The following CA5B variants were observed in gnomAD, a reference collection of about 807,000 sequenced individuals.
The protein encoded by CA5B is carbonic anhydrase 5B, mitochondrial.
A neutral mutation model predicts 23.1 loss-of-function variants in CA5B; 15 were observed. The ratio of observed to expected loss-of-function variants is 0.65; its 90% confidence interval spans 0.43 to 1.00. CA5B has a LOEUF of 1.00. Among genes scored for constraint, CA5B ranks in the 50% least tolerant of loss-of-function variants. The probability of loss-of-function intolerance (pLI) is 0.00; values close to 1 mark genes in which losing one functional copy is unlikely to be tolerated. For missense variants in CA5B, 236 were observed against 252.2 expected, an observed-to-expected ratio of 0.94 and a Z score of 0.43; for synonymous variants, 84 against 98.5, an observed-to-expected ratio of 0.85 and a Z score of 0.87.
rs1161331203 is a variant in CA5B, at chrX:15,786,595, A to T, written c.*3931A>T. 9.0e-6 allele frequency: 1 copy of T among 111,611 alleles called. No individual in the cohort carries two copies. The highest frequency in any genetic ancestry group is 1.9e-5 in the Non-Finnish European group (1 of 53,178). The allele number at this position is 111,611 out of a possible 1,213,427, so 9.2% of individuals were successfully genotyped here. On this transcript the variant is annotated 3_prime_UTR_variant, in exon 8 of 8. Coordinates refer to ENST00000318636, the MANE Select transcript of CA5B (RefSeq NM_007220.4). ...TAAAATTGCTGTCCGTCTTCATTAA[A>T]TAATACTAGATCGATACAATGCTTT...
chrX:15,754,208 C>T (rs988857826), intron 2 of CA5B, among the ~76,000 whole-genome samples: 1 of 111,909 alleles, frequency 8.9e-6, no homozygotes, highest in African/African-American at 3.3e-5. Context: ...CCATTCAGTC[C>T]GTTGGGTAGC....
At chrX:15,767,138 TA>T (rs1316622024) in intron 3 of CA5B, 1 of 774,140 alleles carries the variant, frequency 1.3e-6, no homozygotes, top group Non-Finnish European at 1.6e-6. Flanking sequence ...TCTGCATGCA[TA>T]GTAATCCTTT....
intron 1 of CA5B, among the ~76,000 whole-genome samples, chrX:15,744,523 C>T (rs1389641532): frequency 8.9e-6 from 1 of 112,399 alleles, no homozygotes; most frequent in Non-Finnish European, 1.9e-5. Flanking sequence ...ATCATCTTCC[C>T]AAAAATTACT....
At chrX:15,753,720 C>T (rs1200729535) in intron 2 of CA5B, among the ~76,000 whole-genome samples, 2 of 111,965 alleles carry the variant, frequency 1.8e-5, no homozygotes, top group Non-Finnish European at 3.8e-5. Context: ...ATCAGCCTGG[C>T]CAACATGGTG....
At chrX:15,745,168 CA>C (rs371053756) in intron 1 of CA5B, among the ~76,000 whole-genome samples, 70 of 34,322 alleles carry the variant, frequency 2.0e-3, no homozygotes, top group Middle Eastern at 0.029. Flanking sequence ...GACTCTGTCT[CA>C]AAAAAAAAAA....
intron 2 of CA5B, among the ~76,000 whole-genome samples, chrX:15,760,228 G>A (rs991233444): frequency 1.8e-5 from 2 of 111,288 alleles, no homozygotes; most frequent in Admixed American, 1.9e-4. Flanking sequence ...AAATTGTTTC[G>A]ATCTGATTTT....
rs1932120536 is a variant in CA5B at position 15,786,488 on chromosome X, G to A, written c.*3824G>A. On this transcript the variant is annotated 3_prime_UTR_variant, in exon 8 of 8. Coordinates refer to ENST00000318636, the MANE Select transcript of CA5B (RefSeq NM_007220.4). ...GCTTGTGTTTTTTATGCCCTCAAAAGTGTTTTACTTATACTTTCCTAGACA... is the reference window on the plus strand; with the variant it reads ...GCTTGTGTTTTTTATGCCCTCAAAAATGTTTTACTTATACTTTCCTAGACA... The A allele has an allele frequency of 9.0e-6, 1 of 110,879 alleles. No homozygotes were observed. Among genetic ancestry groups the A allele is most frequent in the African/African-American group, 3.3e-5 (1 of 30,448 alleles). 9.1% of individuals were successfully genotyped at this position (110,879 alleles called of 1,213,427 possible).
At chrX:15,782,412 T>C in intron 7 of CA5B, 73 bp from the exon 8 acceptor site, 1 of 966,501 alleles carries the variant, frequency 1.0e-6, no homozygotes, top group Admixed American at 2.7e-5. Context: ...ATTGTAAAAA[T>C]GAAAGTAATT....
intron 6 of CA5B, chrX:15,776,108 G>A (rs1243640124): frequency 1.2e-5 from 6 of 519,074 alleles, no homozygotes; most frequent in Non-Finnish European, 1.4e-5. Context: ...GGAGGCCGAG[G>A]CTGGCGGATC....
chrX:15,753,805 A>G (rs1931432672), intron 2 of CA5B, among the ~76,000 whole-genome samples: 2 of 112,264 alleles, frequency 1.8e-5, no homozygotes, highest in Non-Finnish European at 3.8e-5. Context: ...GCTACTCAGG[A>G]GGCTGAGGCA....
At chrX:15,765,735 C>A (rs1459986442) in intron 3 of CA5B, among the ~76,000 whole-genome samples, 4 of 109,883 alleles carry the variant, frequency 3.6e-5, no homozygotes, top group Non-Finnish European at 7.6e-5. Context: ...CACTAAAGAT[C>A]CTGCAGTGCG....
In CA5B at chrX:15,784,313, C is replaced by T. The variant is rs1233636758; in HGVS notation, c.*1649C>T. 2.7e-5 allele frequency: 3 copies of T among 112,630 alleles called. No homozygotes were observed. In the Admixed American group the frequency reaches 2.8e-4, roughly 11 times the overall value. The allele number at this position is 112,630 out of a possible 1,213,427, so 9.3% of individuals were successfully genotyped here. A position where few individuals can be genotyped will look rare whatever the true frequency, so the allele number is the denominator to read the frequency against. On this transcript the variant is annotated 3_prime_UTR_variant, in exon 8 of 8. Coordinates refer to ENST00000318636, the MANE Select transcript of CA5B (RefSeq NM_007220.4). The stretch of plus-strand genomic sequence containing the variant: ...GTTTTCTACAGTGAAAGAGCTATCC[C>T]GTCTTCCCTTTACAACTGTCTGAAC...
At position 15,783,924 on chromosome X, in the gene CA5B, G is replaced by C. The variant is rs1255339820; in HGVS notation, c.*1260G>C. 1 of 68,678 alleles carries C rather than the reference G, an allele frequency of 1.5e-5. No individual in the cohort carries two copies. Among genetic ancestry groups the C allele is most frequent in the Non-Finnish European group, 2.5e-5 (1 of 39,233 alleles). The allele number at this position is 68,678 out of a possible 1,213,427, so 5.7% of individuals were successfully genotyped here. On this transcript the variant is annotated 3_prime_UTR_variant, in exon 8 of 8. Coordinates refer to ENST00000318636, the MANE Select transcript of CA5B (RefSeq NM_007220.4). The stretch of plus-strand genomic sequence containing the variant: ...TTTTTTTGAGATGGAGTCTCGCTCT[G>C]TCCCCCAGGCTGGAGTGCAGTGGCA...
intron 7 of CA5B, 34 bp from the exon 8 acceptor site, chrX:15,782,451 T>G: frequency 8.6e-7 from 1 of 1,163,410 alleles, no homozygotes; most frequent in Non-Finnish European, 1.2e-6. Context: ...AGTTTTCTGT[T>G]GAAATTATTT....
Position 15,784,382 on chromosome X carries a change from A to G in CA5B, c.*1718A>G, listed in dbSNP as rs1464579553. 2.7e-5 allele frequency: 3 copies of G among 112,452 alleles called. No homozygotes were observed. Among genetic ancestry groups the G allele is most frequent in the Non-Finnish European group, 5.6e-5 (3 of 53,327 alleles). 9.3% of individuals were successfully genotyped at this position (112,452 alleles called of 1,213,427 possible). On this transcript the variant is annotated 3_prime_UTR_variant, in exon 8 of 8. Transcript: ENST00000318636. Reference sequence around the variant, plus strand: ...AAGGTTCTTTGCAAGGCAGGTGATTAACTTAAATATCTCAGTTTATACAGT... The same window carrying G: ...AAGGTTCTTTGCAAGGCAGGTGATTGACTTAAATATCTCAGTTTATACAGT...
At chrX:15,739,140 G>A (rs1931069396) in intron 1 of CA5B, among the ~76,000 whole-genome samples, 1 of 112,117 alleles carries the variant, frequency 8.9e-6, no homozygotes, top group Non-Finnish European at 1.9e-5. Flanking sequence ...TATTTTCGCT[G>A]GGAAAGTTTG....
intron 3 of CA5B, among the ~76,000 whole-genome samples, chrX:15,770,914 C>T (rs779230444): frequency 9.1e-6 from 1 of 109,573 alleles, no homozygotes; most frequent in South Asian, 3.9e-4. Flanking sequence ...ACTACAGGCA[C>T]CCGCCACCAT....
chrX:15,751,784 C>A (rs982486516), intron 2 of CA5B, among the ~76,000 whole-genome samples: 1 of 110,837 alleles, frequency 9.0e-6, no homozygotes, highest in Non-Finnish European at 1.9e-5. Flanking sequence ...ACCTGTTTGC[C>A]CCAAGAATAA....
intron 6 of CA5B, chrX:15,775,691 C>G: frequency 1.3e-6 from 1 of 760,344 alleles, no homozygotes; most frequent in South Asian, 6.6e-5. Context: ...CTAGAAAGAA[C>G]AGTAATCCAC....
Sources: gnomAD v4.1 joint callset for allele counts (sites outside exome capture counted in the v4.1 genomes callset) on GRCh38, gnomAD v4.1.1 for gene constraint, MANE v1.5 for transcripts, NCBI Gene and HGNC (gene_info 2026-07-23, HGNC 2026-07-21) for gene names.